PRKD3: variants seen among roughly 807,000 people sequenced by gnomAD.
PRKD3 encodes the protein protein kinase D3.
Under a neutral mutation model 99.2 loss-of-function variants are expected in PRKD3, and 47 were observed. That is an observed-to-expected ratio of 0.47 (90% CI 0.38 to 0.60). PRKD3 has a LOEUF of 0.60. Among genes scored for constraint, PRKD3 ranks in the 20% least tolerant of loss-of-function variants. The pLI, the probability that PRKD3 is intolerant of heterozygous loss-of-function variation, is 0.00. For missense variants in PRKD3, 1,019 were observed against 1,088.4 expected, an observed-to-expected ratio of 0.94 and a Z score of 0.90; for synonymous variants, 392 against 355.4, an observed-to-expected ratio of 1.10 and a Z score of -1.16.
chr2:37,280,697 G>A (rs540074844), intron 7 of PRKD3, among the ~76,000 whole-genome samples: 1 of 152,074 alleles, frequency 6.6e-6, no homozygotes, highest in African/African-American at 2.4e-5. Flanking sequence ...TTGTGACCTT[G>A]GTTAGGCAAA....
chr2:37,262,902 C>A (rs78695298), intron 14 of PRKD3, among the ~76,000 whole-genome samples: 58 of 151,578 alleles, frequency 3.8e-4, no homozygotes, highest in African/African-American at 1.1e-3. Context: ...CCTTCCCCCC[C>A]CCGTATTTGT....
intron 16 of PRKD3, among the ~76,000 whole-genome samples, chr2:37,257,182 T>C (rs1432274302): frequency 6.6e-6 from 1 of 152,180 alleles, no homozygotes; most frequent in Non-Finnish European, 1.5e-5. Context: ...GCTTCCAGAA[T>C]ACCAAATACC....
At chr2:37,320,634 G>A (rs1448295187) in intron 1 of PRKD3, among the ~76,000 whole-genome samples, 1 of 151,874 alleles carries the variant, frequency 6.6e-6, no homozygotes, top group African/African-American at 2.4e-5. Flanking sequence ...GTTTCATCAT[G>A]TTGGCCAGGC....
chr2:37,255,567 G>A (rs1667864455), intron 17 of PRKD3, among the ~76,000 whole-genome samples: 1 of 152,172 alleles, frequency 6.6e-6, no homozygotes, highest in South Asian at 2.1e-4. Context: ...GAGGTCCACA[G>A]GAGAGAGGAA....
chr2:37,294,057 T>C (rs1036616536), intron 2 of PRKD3, among the ~76,000 whole-genome samples: 3 of 152,214 alleles, frequency 2.0e-5, no homozygotes, highest in East Asian at 1.9e-4. Flanking sequence ...CTGACCTTAA[T>C]TTTCTCATTA....
chr2:37,285,709 T>C (rs140967935), intron 6 of PRKD3, among the ~76,000 whole-genome samples: 293 of 152,332 alleles, frequency 1.9e-3, no homozygotes, highest in Admixed American at 3.2e-3. Flanking sequence ...GTGATAAGCA[T>C]ACAGGTGAAG....
chr2:37,293,492 G>C (rs1467518209), intron 2 of PRKD3, among the ~76,000 whole-genome samples: 1 of 152,130 alleles, frequency 6.6e-6, no homozygotes, highest in Admixed American at 6.5e-5. Flanking sequence ...AATAATCATT[G>C]ATGATTTTAA....
At chr2:37,266,568 C>T (rs1466860426) in intron 14 of PRKD3, among the ~76,000 whole-genome samples, 1 of 151,966 alleles carries the variant, frequency 6.6e-6, no homozygotes, top group East Asian at 1.9e-4. Context: ...CTAACTGCAG[C>T]CTCCACCTTC....
chr2:37,302,323 C>T (rs1009457459), intron 2 of PRKD3, among the ~76,000 whole-genome samples: 2 of 152,176 alleles, frequency 1.3e-5, no homozygotes, highest in East Asian at 3.9e-4. Context: ...AGTATTTTCC[C>T]AGTCCATATG....
Position 37,250,646 on chromosome 2 carries a change from C to T in PRKD3, c.*2531G>A, listed in dbSNP as rs1380526971. 6.6e-6 allele frequency: 1 copy of T among 152,054 alleles called. No homozygotes were observed. The highest frequency in any genetic ancestry group is 1.5e-5 in the Non-Finnish European group (1 of 68,006). 9.4% of individuals were successfully genotyped at this position (152,054 alleles called of 1,614,324 possible). The stretch of plus-strand genomic sequence containing the variant: ...CCAAGGTCTGGTAAAATAACACAAC[C>T]AGGTCAAACTTTTCTTTGGATACTT... On this transcript the variant is annotated 3_prime_UTR_variant, in exon 19 of 19. Coordinates refer to ENST00000234179, the MANE Select transcript of PRKD3 (RefSeq NM_005813.6).
intron 5 of PRKD3, among the ~76,000 whole-genome samples, chr2:37,286,737 A>G (rs573617134): frequency 6.6e-5 from 10 of 152,368 alleles, no homozygotes; most frequent in Admixed American, 6.5e-4. Context: ...ACATCTGAAT[A>G]TATTTTGAAA....
intron 4 of PRKD3, among the ~76,000 whole-genome samples, chr2:37,290,519 C>G (rs935148786): frequency 5.3e-4 from 80 of 152,274 alleles, no homozygotes; most frequent in African/African-American, 1.9e-3. Context: ...CAGGTGTGAG[C>G]CACCGTGCCT....
At chr2:37,295,964 A>G (rs1288786804) in intron 2 of PRKD3, among the ~76,000 whole-genome samples, 1 of 152,234 alleles carries the variant, frequency 6.6e-6, no homozygotes, top group Non-Finnish European at 1.5e-5. Flanking sequence ...AAGTAAATGG[A>G]AAAAGACAAG....
At position 37,293,864 on chromosome 2, in the gene PRKD3, A is replaced by G. The variant is rs187520876; in HGVS notation, c.289-593T>C. Among the ~76,000 whole-genome samples, 2 of 152,294 alleles carry G rather than the reference A, an allele frequency of 1.3e-5. 1 individual carries two copies. Among genetic ancestry groups the G allele is most frequent in the Admixed American group, 1.3e-4 (2 of 15,290 alleles). ...CCTTCTTTGTGAAGACCCACCCACAAAATAACTTTATCTAGTTGATTTTAT... is the reference window on the plus strand; with the variant it reads ...CCTTCTTTGTGAAGACCCACCCACAGAATAACTTTATCTAGTTGATTTTAT... On this transcript the variant is annotated intron_variant, in intron 2 of 18. Transcript: ENST00000234179.
chr2:37,253,600 T>C (rs967909155), intron 18 of PRKD3, among the ~76,000 whole-genome samples: 10 of 152,208 alleles, frequency 6.6e-5, no homozygotes, highest in African/African-American at 2.4e-4. Context: ...AAAAATTTGC[T>C]TCAGGCTTCT....
chr2:37,291,724 T>C (rs1670435645), intron 3 of PRKD3, among the ~76,000 whole-genome samples: 1 of 151,950 alleles, frequency 6.6e-6, no homozygotes, highest in Admixed American at 6.6e-5. Context: ...GAATCAGAAA[T>C]ATAAGATGAG....
At chr2:37,261,694 T>G (rs940233606) in intron 14 of PRKD3, among the ~76,000 whole-genome samples, 2 of 151,622 alleles carry the variant, frequency 1.3e-5, no homozygotes, top group African/African-American at 4.9e-5. Context: ...GCAGGAGAAT[T>G]GCTTGAACCT....
chr2:37,269,624 C>T lies in PRKD3; in HGVS notation c.1768G>A (p.Val590Ile), dbSNP rs1221020317. 2 of 1,611,262 alleles carry T rather than the reference C, an allele frequency of 1.2e-6. No individual in the cohort carries two copies. The highest frequency in any genetic ancestry group is 1.7e-6 in the Non-Finnish European group (2 of 1,177,602). Reference sequence around the variant, plus strand: ...GGCTGTAGTTGCTTACCTCCATAAACGATGCCAAACTGGCCTGAACCAAGC... The same window carrying T: ...GGCTGTAGTTGCTTACCTCCATAAATGATGCCAAACTGGCCTGAACCAAGC... ...EVLGSGQFGIVYGGKHRKTGR... is the reference protein window; with the variant it reads ...EVLGSGQFGIIYGGKHRKTGR... Residue 590 changes from valine (V) to isoleucine (I), a missense_variant, in exon 13 of 19, where the codon GTT (valine) becomes ATT (isoleucine). This residue lies in a region of PRKD3 where 184 missense variants were observed against 275.1 expected (regional missense o/e 0.67). Coordinates refer to ENST00000234179, the MANE Select transcript of PRKD3 (RefSeq NM_005813.6).
At chr2:37,286,396 G>GT (rs771253316) in intron 5 of PRKD3, 27 bp from the exon 6 acceptor site, 2 of 1,586,244 alleles carry the variant, frequency 1.3e-6, no homozygotes, top group Non-Finnish European at 1.7e-6. Flanking sequence ...TTTCATAAGT[G>GT]TAAGTCAATA....
Sources: gnomAD v4.1 joint callset for allele counts (sites outside exome capture counted in the v4.1 genomes callset) on GRCh38, gnomAD v4.1.1 for gene constraint, gnomAD v4.1.1 regional missense constraint, MANE v1.5 for transcripts, NCBI Gene and HGNC (gene_info 2026-07-23, HGNC 2026-07-21) for gene names.